PDIA5: variants seen among roughly 807,000 people sequenced by gnomAD.
PDIA5 encodes the protein protein disulfide-isomerase A5.
In PDIA5, 58 loss-of-function variants were observed where a neutral mutation model predicts 77.6. The observed-to-expected ratio is 0.75, with a 90% confidence interval of 0.61 to 0.93. The LOEUF (loss-of-function observed/expected upper bound fraction) is 0.93, where lower values mean the gene tolerates loss of function less well. Ranked by LOEUF, PDIA5 falls within the 40% of genes least tolerant of loss-of-function variation. The pLI is 0.00. For missense variants in PDIA5, 630 were observed against 647.7 expected (o/e 0.97, Z 0.30); for synonymous variants, 250 against 252.1 (o/e 0.99, Z 0.08).
At chr3:123,125,430 G>C (rs1019234876) in intron 10 of PDIA5, among the ~76,000 whole-genome samples, 1 of 152,114 alleles carries the variant, frequency 6.6e-6, no homozygotes, top group Admixed American at 6.5e-5. Flanking sequence ...GCAGGGCCCT[G>C]ATGGGTCCCC....
intron 14 of PDIA5, among the ~76,000 whole-genome samples, 167 bp downstream of exon 14, chr3:123,150,531 C>G (rs950906760): frequency 7.2e-5 from 11 of 152,156 alleles, no homozygotes; most frequent in African/African-American, 2.2e-4. Context: ...CTAAGAGGTC[C>G]TTCAAATCCA....
chr3:123,102,308 C>A (rs1411957449), intron 3 of PDIA5, 103 bp from the exon 4 acceptor site: 1 of 842,454 alleles, frequency 1.2e-6, no homozygotes, highest in Non-Finnish European at 2.0e-6. Context: ...ATTGAGAATT[C>A]CAAGTTACCT....
At chr3:123,108,749 G>A (rs976118547) in intron 6 of PDIA5, among the ~76,000 whole-genome samples, 4 of 151,990 alleles carry the variant, frequency 2.6e-5, no homozygotes, top group African/African-American at 7.2e-5. Context: ...AGCCAGGCAT[G>A]GTGGCATCTG....
chr3:123,144,091 A>C (rs1301522371), intron 11 of PDIA5, among the ~76,000 whole-genome samples: 1 of 152,116 alleles, frequency 6.6e-6, no homozygotes, highest in Non-Finnish European at 1.5e-5. Flanking sequence ...TCTCACCTGG[A>C]GCTGAGTTCT....
At position 123,145,568 on chromosome 3, in the gene PDIA5, A is replaced by C. The variant is rs1935746720; in HGVS notation, c.957A>C (p.Ala319=). The change falls in exon 12 of 17, where the codon GCA becomes GCC. Residue 319 remains alanine, a synonymous_variant. Coordinates refer to ENST00000316218, the MANE Select transcript of PDIA5 (RefSeq NM_006810.4). ...KKMKPEFEKA[A]EALHGEADSS... is the part of the protein sequence containing the mutation. ...TGAAGCCGGAGTTTGAGAAGGCAGC[A>C]GAAGCCCTCCATGGAGAAGCGGATG... is the stretch of plus-strand genomic sequence containing the variant. The C allele has an allele frequency of 6.2e-7, 1 of 1,613,942 alleles. No individual in the cohort carries two copies. The highest frequency in any genetic ancestry group is 1.1e-5 in the South Asian group (1 of 91,066).
chr3:123,077,933 C>A, intron 1 of PDIA5, among the ~76,000 whole-genome samples: 1 of 151,910 alleles, frequency 6.6e-6, no homozygotes, highest in East Asian at 1.9e-4. Flanking sequence ...TCTCAGCCTC[C>A]CGAGTAGCTG....
intron 8 of PDIA5, among the ~76,000 whole-genome samples, chr3:123,123,258 G>T (rs1220923356): frequency 1.3e-5 from 2 of 152,202 alleles, no homozygotes; most frequent in Non-Finnish European, 2.9e-5. Context: ...AGTTTTAGGG[G>T]ATTCCTTATA....
intron 15 of PDIA5, among the ~76,000 whole-genome samples, chr3:123,155,965 A>C (rs1224636452): frequency 6.6e-6 from 1 of 152,036 alleles, no homozygotes; most frequent in Non-Finnish European, 1.5e-5. Context: ...CAGCCGAGGC[A>C]GGAAAGGGGA....
At chr3:123,114,423 G>A (rs776703156) in intron 7 of PDIA5, among the ~76,000 whole-genome samples, 2 of 152,090 alleles carry the variant, frequency 1.3e-5, no homozygotes, top group East Asian at 1.9e-4. Flanking sequence ...AATGTTCCCC[G>A]GCTCTATCTA....
chr3:123,161,685 T>A (rs1936162265), intron 16 of PDIA5, 195 bp from the exon 17 acceptor site: 2 of 648,062 alleles, frequency 3.1e-6, no homozygotes. Context: ...GGACTCCAGA[T>A]GCCGAGGGTT....
rs149172748 is a variant in PDIA5, at chr3:123,083,546, C to T, written c.43-5622C>T. ...GAACAAAGGGGATCTTTTTTCTCTC[C>T]TCTACCTCTAGAGCGATTGACTTCG... is the stretch of plus-strand genomic sequence containing the variant. On this transcript the variant is annotated intron_variant, in intron 1 of 16. Coordinates refer to ENST00000316218, the MANE Select transcript of PDIA5 (RefSeq NM_006810.4). 1.4e-3 allele frequency among the ~76,000 whole-genome samples: 219 copies of T among 152,248 alleles called. 1 individual carries two copies. Among genetic ancestry groups the T allele is most frequent in the African/African-American group, 5.0e-3 (206 of 41,552 alleles).
At chr3:123,104,651 T>C (rs1233255349) in intron 5 of PDIA5, among the ~76,000 whole-genome samples, 1 of 152,246 alleles carries the variant, frequency 6.6e-6, no homozygotes, top group East Asian at 1.9e-4. Context: ...AATGTCCCCT[T>C]TAAGCTGCCC....
chr3:123,073,502 A>T (rs146191454), intron 1 of PDIA5, among the ~76,000 whole-genome samples: 1 of 152,326 alleles, frequency 6.6e-6, no homozygotes, highest in Non-Finnish European at 1.5e-5. Context: ...CCTTCCCCCA[A>T]GGAGCTCCAG....
intron 11 of PDIA5, among the ~76,000 whole-genome samples, chr3:123,136,188 G>T (rs927437314): frequency 6.6e-6 from 1 of 152,128 alleles, no homozygotes. Flanking sequence ...TCCTGCCTCG[G>T]CCTCCCAAGC....
intron 6 of PDIA5, among the ~76,000 whole-genome samples, chr3:123,109,263 A>G (rs1250629092): frequency 6.6e-6 from 1 of 152,224 alleles, no homozygotes; most frequent in Non-Finnish European, 1.5e-5. Context: ...TGCTGATTCA[A>G]TTTGTAGGCT....
At chr3:123,081,013 A>G (rs2107910660) in intron 1 of PDIA5, among the ~76,000 whole-genome samples, 2 of 152,314 alleles carry the variant, frequency 1.3e-5, no homozygotes, top group Middle Eastern at 3.4e-3. Context: ...GACTCTTATC[A>G]GATGTCTGTT....
intron 10 of PDIA5, among the ~76,000 whole-genome samples, chr3:123,127,345 C>T: frequency 6.6e-6 from 1 of 152,320 alleles, no homozygotes; most frequent in East Asian, 1.9e-4. Flanking sequence ...TCCTCACTCC[C>T]ATTGGACTCA....
At chr3:123,089,599 G>A (rs751423777) in intron 2 of PDIA5, among the ~76,000 whole-genome samples, 7 of 152,258 alleles carry the variant, frequency 4.6e-5, no homozygotes, top group African/African-American at 1.2e-4. Flanking sequence ...TCACAGTGGC[G>A]GACACTGGGC....
chr3:123,080,283 G>A (rs555889409), intron 1 of PDIA5, among the ~76,000 whole-genome samples: 9 of 152,272 alleles, frequency 5.9e-5, no homozygotes, highest in African/African-American at 1.9e-4. Context: ...GAGTTGAGTG[G>A]TCTCAGGAGA....
Sources: gnomAD v4.1 joint callset for allele counts (sites outside exome capture counted in the v4.1 genomes callset) on GRCh38, gnomAD v4.1.1 for gene constraint, MANE v1.5 for transcripts, NCBI Gene and HGNC (gene_info 2026-07-23, HGNC 2026-07-21) for gene names.